CD163L1: variants seen among roughly 807,000 people sequenced by gnomAD.
CD163L1 encodes scavenger receptor cysteine-rich type 1 protein M160.
Under a neutral mutation model 165.4 loss-of-function variants are expected in CD163L1, and 124 were observed. That is an observed-to-expected ratio of 0.75 (90% CI 0.65 to 0.87). The LOEUF (loss-of-function observed/expected upper bound fraction) is 0.87, where lower values mean the gene tolerates loss of function less well. CD163L1 is among the 40% of genes least tolerant of loss of function. The pLI is 0.00. For missense variants in CD163L1, 1,525 were observed against 1,799.9 expected, an observed-to-expected ratio of 0.85 and a Z score of 2.76; for synonymous variants, 585 against 662.2, an observed-to-expected ratio of 0.88 and a Z score of 1.79.
intron 2 of CD163L1, chr12:7,440,119 GCCGCGCCAGCGTGGCCACGTC>G: frequency 5.4e-6 from 4 of 744,106 alleles, no homozygotes; most frequent in Non-Finnish European, 9.0e-6. Flanking sequence ...GCTTGGACCC[GCCGCGCCAGCGTGGCCACGTC>G]CCGCTCAGGC....
At chr12:7,412,198 C>A (rs1948150752) in intron 4 of CD163L1, among the ~76,000 whole-genome samples, 2 of 152,184 alleles carry the variant, frequency 1.3e-5, no homozygotes, top group African/African-American at 4.8e-5. Context: ...TTACTAGGAA[C>A]AATTGTTCAT....
chr12:7,333,996 T>C, the CD163L1 span, among the ~76,000 whole-genome samples: 4 of 151,938 alleles, frequency 2.6e-5, no homozygotes, highest in Non-Finnish European at 4.4e-5. Context: ...AGGCAATAAT[T>C]AATAGCTTAC....
chr12:7,421,502 C>CATATATGTACAT (rs1159076179), intron 4 of CD163L1, among the ~76,000 whole-genome samples: 865 of 72,520 alleles, frequency 0.012, 105 homozygotes, highest in African/African-American at 0.058. Context: ...CATATATGTA[C>CATATATGTACAT]ATATACATAT....
chr12:7,433,056 C>A (rs1198437334), intron 3 of CD163L1, among the ~76,000 whole-genome samples: 1 of 152,092 alleles, frequency 6.6e-6, no homozygotes, highest in Non-Finnish European at 1.5e-5. Context: ...TAAATCAAAG[C>A]TAACCCTGCT....
At chr12:7,320,699 C>T in the CD163L1 span, 1 of 1,585,898 alleles carries the variant, frequency 6.3e-7, no homozygotes, top group South Asian at 1.1e-5. Flanking sequence ...CCACTTCTGA[C>T]ATCTGTGTCT....
the CD163L1 span, chr12:7,328,323 G>A: frequency 6.3e-7 from 1 of 1,594,576 alleles, no homozygotes; most frequent in Non-Finnish European, 8.5e-7. Flanking sequence ...GACAATCACT[G>A]GGAAAATCAA....
At chr12:7,421,550 CAT>C (rs1848803389) in intron 4 of CD163L1, among the ~76,000 whole-genome samples, 1 of 126,580 alleles carries the variant, frequency 7.9e-6, no homozygotes, top group Non-Finnish European at 1.6e-5. Context: ...TACACATATA[CAT>C]ATACATATAT....
chr12:7,437,765 T>A (rs920512000), intron 2 of CD163L1, among the ~76,000 whole-genome samples: 1 of 151,674 alleles, frequency 6.6e-6, no homozygotes. Context: ...CTGTGGTACA[T>A]GATCAATGAT....
chr12:7,367,586 A>G, intron 17 of CD163L1: 1 of 301,574 alleles, frequency 3.3e-6, no homozygotes. Flanking sequence ...TTTCATACAG[A>G]TGATTAATTT....
intron 8 of CD163L1, among the ~76,000 whole-genome samples, chr12:7,389,560 A>T (rs1947601631): frequency 6.6e-6 from 1 of 151,858 alleles, no homozygotes; most frequent in African/African-American, 2.4e-5. Flanking sequence ...GTGAATGTTT[A>T]AAAAAAACAG....
rs199763816 is a variant in CD163L1, at chr12:7,374,505, G to A, written c.3346C>T (p.Pro1116Ser). The change falls in exon 13 of 20, where the codon CCT (proline) becomes TCT (serine). Residue 1116 changes from proline (P) to serine (S), a missense_variant. Transcript: ENST00000313599. The surrounding 1 kb of genome is among the most constrained non-coding windows in gnomAD (Gnocchi z 5.4). ...TGMESHLWQC[P>S]SRGWGQHDCR... is the part of the protein sequence containing the mutation. ...TCGTGCTGCCCCCAGCCGCGGGAAG[G>A]GCACTGCCACAAGTGGGACTCCATT... 7.7e-5 allele frequency: 124 copies of A among 1,614,172 alleles called. No homozygotes were observed. The East Asian group carries it at 2.2e-3, about 29-fold the overall frequency.
At chr12:7,431,103 G>A (rs1948619680) in intron 4 of CD163L1, among the ~76,000 whole-genome samples, 1 of 152,050 alleles carries the variant, frequency 6.6e-6, no homozygotes, top group South Asian at 2.1e-4. Context: ...GGTTTATACT[G>A]ATAGTAATGG....
Position 7,437,630 on chromosome 12 carries a change from C to T in CD163L1, c.124+3524G>A, listed in dbSNP as rs764255715. ...GATAGTCTGCTCAGAATGATGGTTTCCAGCTTCATCCATGTCCCTACAAAG... is the reference window on the plus strand; with the variant it reads ...GATAGTCTGCTCAGAATGATGGTTTTCAGCTTCATCCATGTCCCTACAAAG... On this transcript the variant is annotated intron_variant, in intron 2 of 19. Coordinates refer to ENST00000313599, the MANE Select transcript of CD163L1 (RefSeq NM_174941.6). 1.1e-3 allele frequency among the ~76,000 whole-genome samples: 170 copies of T among 150,198 alleles called. 1 individual carries two copies. Among genetic ancestry groups the T allele is most frequent in the African/African-American group, 4.1e-3 (169 of 41,018 alleles).
chr12:7,375,034 C>A, intron 11 of CD163L1, 111 bp from the exon 12 acceptor site: 1 of 1,048,470 alleles, frequency 9.5e-7, no homozygotes, highest in East Asian at 2.4e-5. Context: ...CTTTTCAAAC[C>A]CTGTCGTCTA....
At chr12:7,435,993 AACAAT>A (rs1020103501) in intron 2 of CD163L1, among the ~76,000 whole-genome samples, 2 of 152,200 alleles carry the variant, frequency 1.3e-5, no homozygotes, top group African/African-American at 4.8e-5. Context: ...AGCAAAACTA[AACAAT>A]ACATTATTTC....
chr12:7,392,313 C>A (rs1642125185), intron 8 of CD163L1, among the ~76,000 whole-genome samples: 1 of 152,104 alleles, frequency 6.6e-6, no homozygotes, highest in Non-Finnish European at 1.5e-5. Flanking sequence ...ACAACCTGCT[C>A]CTGAATGATT....
chr12:7,429,812 C>T (rs1257011017), intron 4 of CD163L1, among the ~76,000 whole-genome samples: 1 of 152,140 alleles, frequency 6.6e-6, no homozygotes, highest in Non-Finnish European at 1.5e-5. Context: ...TCAGTTAGTC[C>T]ACATGATATT....
chr12:7,418,899 CA>C (rs1161021465), intron 4 of CD163L1, among the ~76,000 whole-genome samples: 1 of 151,590 alleles, frequency 6.6e-6, no homozygotes, highest in Non-Finnish European at 1.5e-5. Context: ...AAAATGAGAA[CA>C]AAAAAAGTCC....
the CD163L1 span, chr12:7,324,476 C>G: frequency 1.2e-6 from 2 of 1,613,824 alleles, no homozygotes; most frequent in East Asian, 4.5e-5. Context: ...ATGTGGTGGT[C>G]AAAAACTTCT....
Sources: allele counts gnomAD v4.1 joint callset (sites outside exome capture counted in the v4.1 genomes callset), GRCh38; gene constraint gnomAD v4.1.1; non-coding constraint Gnocchi (gnomAD v3.1); transcripts MANE v1.5; gene names NCBI Gene and HGNC (gene_info 2026-07-23, HGNC 2026-07-21).